Variants in GTF3C5 observed in about 807,000 individuals in gnomAD.
GTF3C5 encodes general transcription factor 3C polypeptide 5.
GTF3C5 carries 47 observed loss-of-function variants against 61.0 expected under a neutral mutation model. That is an observed-to-expected ratio of 0.77 (90% confidence interval 0.61 to 0.98). The LOEUF is 0.98. Ranked by LOEUF, GTF3C5 falls within the 50% of genes least tolerant of loss-of-function variation. The pLI, the probability that GTF3C5 is intolerant of heterozygous loss-of-function variation, is 0.00. For synonymous variants in GTF3C5, 295 were observed against 275.4 expected (o/e 1.07, Z -0.71); for missense variants, 659 against 703.3 (o/e 0.94, Z 0.71).
In GTF3C5 at chr9:133,043,771, C is replaced by T. The variant is rs140767076; in HGVS notation, c.417C>T (p.Gly139=). 2.0e-5 allele frequency: 33 copies of T among 1,614,016 alleles called. No homozygotes were observed. The highest frequency in any genetic ancestry group is 2.4e-5 in the Non-Finnish European group (28 of 1,180,016). Residue 139 remains glycine, a synonymous_variant, in exon 3 of 11, where the codon GGC becomes GGT. Coordinates refer to ENST00000372097, the MANE Select transcript of GTF3C5 (RefSeq NM_012087.4). ...ACTTGGCTGTGCATACGGAAGCAGG[C>T]GGCAAGCATACGTCAATGTATGACA... The part of the protein sequence containing the change: ...FQYLAVHTEA[G]GKHTSMYDKV...
intron 1 of GTF3C5, among the ~76,000 whole-genome samples, chr9:133,036,660 T>C (rs187426962): frequency 2.0e-4 from 30 of 152,276 alleles, no homozygotes; most frequent in Non-Finnish European, 3.4e-4. Flanking sequence ...GGTGGATTTC[T>C]TCAGAGGTCC....
At position 133,041,179 on chromosome 9, in the gene GTF3C5, C is replaced by T. The variant is rs149747328; in HGVS notation, c.154-908C>T. Among the ~76,000 whole-genome samples the T allele has an allele frequency of 4.5e-3, 679 of 152,332 alleles. 1 individual carries two copies. The highest frequency in any genetic ancestry group is 0.015 in the African/African-American group (626 of 41,576). ...GTAGCATCAGTGTCAAGGAAAAACA[C>T]CCGCTACTTAGCAGACCTGCAAAGG... On this transcript the variant is annotated intron_variant, in intron 1 of 10. Coordinates refer to ENST00000372097, the MANE Select transcript of GTF3C5 (RefSeq NM_012087.4).
chr9:133,049,439 A>C (rs1174819792), intron 3 of GTF3C5, among the ~76,000 whole-genome samples: 1 of 152,232 alleles, frequency 6.6e-6, no homozygotes, highest in Non-Finnish European at 1.5e-5. Flanking sequence ...ATTCTTTGTA[A>C]GTGTGCAGAT....
chr9:133,041,989 C>T (rs1367450913), intron 1 of GTF3C5, 98 bp from the exon 2 acceptor site: 12 of 801,036 alleles, frequency 1.5e-5, no homozygotes, highest in Non-Finnish European at 2.1e-5. Flanking sequence ...CCTGGCCTTT[C>T]CTGGATCACC....
At chr9:133,030,718 C>A, upstream of GTF3C5, 1 of 530,856 alleles carries the variant, frequency 1.9e-6, no homozygotes, top group Non-Finnish European at 3.4e-6. Flanking sequence ...GTCTTATTAT[C>A]CTCCGGGTCC....
chr9:133,049,063 G>T (rs908901177), intron 3 of GTF3C5, among the ~76,000 whole-genome samples: 2 of 152,216 alleles, frequency 1.3e-5, no homozygotes, highest in African/African-American at 4.8e-5. Flanking sequence ...CTAACTGGAG[G>T]ATGGTGGGTC....
intron 1 of GTF3C5, among the ~76,000 whole-genome samples, chr9:133,041,601 T>C (rs1349141599): frequency 6.6e-6 from 1 of 152,130 alleles, no homozygotes; most frequent in Non-Finnish European, 1.5e-5. Flanking sequence ...ATCCAGTAAA[T>C]AACAGTGCAG....
At chr9:133,054,542 G>A in intron 7 of GTF3C5, 54 bp downstream of exon 7, 1 of 1,553,382 alleles carries the variant, frequency 6.4e-7, no homozygotes, top group Non-Finnish European at 8.9e-7. Flanking sequence ...AAGGAAGGCG[G>A]GGCACCTGGA....
intron 1 of GTF3C5, among the ~76,000 whole-genome samples, chr9:133,034,638 A>G (rs1264993872): frequency 6.6e-6 from 1 of 152,008 alleles, no homozygotes; most frequent in Non-Finnish European, 1.5e-5. Flanking sequence ...CTGTTTCAGT[A>G]GTTAAGAGTA....
At chr9:133,048,561 T>TG (rs946312728) in intron 3 of GTF3C5, among the ~76,000 whole-genome samples, 2 of 152,106 alleles carry the variant, frequency 1.3e-5, no homozygotes, top group Admixed American at 6.5e-5. Flanking sequence ...CCCAGCTACT[T>TG]GGGGGGCTGA....
chr9:133,038,432 G>T (rs908851020), intron 1 of GTF3C5, among the ~76,000 whole-genome samples: 3 of 151,702 alleles, frequency 2.0e-5, no homozygotes, highest in Non-Finnish European at 4.4e-5. Flanking sequence ...AAGGGACTGT[G>T]GGGGAGACCC....
intron 1 of GTF3C5, among the ~76,000 whole-genome samples, chr9:133,036,013 A>G (rs1013641256): frequency 6.6e-5 from 10 of 152,290 alleles, no homozygotes; most frequent in Admixed American, 4.6e-4. Context: ...AACAATTCAC[A>G]TGTTTGGGCA....
chr9:133,047,139 G>A lies in GTF3C5; in HGVS notation c.572+3213G>A, dbSNP rs1156321590. ...CGGATCTCTGACAGGGAAGACTCAT[G>A]TTTCAGACAGACTCGCAATACCAGT... On this transcript the variant is annotated intron_variant, in intron 3 of 10. Transcript: ENST00000372097. Among the ~76,000 whole-genome samples, 5 of 152,244 alleles carry A rather than the reference G, an allele frequency of 3.3e-5. No homozygotes were observed. The East Asian group carries it at 9.7e-4, about 29-fold the overall frequency.
intron 8 of GTF3C5, 189 bp from the exon 9 acceptor site, chr9:133,055,823 C>T: frequency 7.1e-7 from 1 of 1,398,608 alleles, no homozygotes; most frequent in Non-Finnish European, 9.3e-7. Context: ...TCTCCCAGAG[C>T]CTCCTGGGGA....
rs947701750 is a variant in GTF3C5, at chr9:133,035,202, T to C, written c.153+4038T>C. ...GGGTATAATATTCTCAATCAATGCTTTAATTACATTATTAGCAGTTGCACT... is the reference window on the plus strand; with the variant it reads ...GGGTATAATATTCTCAATCAATGCTCTAATTACATTATTAGCAGTTGCACT... On this transcript the variant is annotated intron_variant, in intron 1 of 10. Coordinates refer to ENST00000372097, the MANE Select transcript of GTF3C5 (RefSeq NM_012087.4). Among the ~76,000 whole-genome samples, 4 of 152,226 alleles carry C rather than the reference T, an allele frequency of 2.6e-5. No homozygotes were observed. The East Asian group carries it at 7.7e-4, about 29-fold the overall frequency.
Position 133,055,324 on chromosome 9 carries a change from A to G in GTF3C5, c.1167+515A>G, listed in dbSNP as rs768953785. 9 of 1,364,128 alleles carry G rather than the reference A, an allele frequency of 6.6e-6. No individual in the cohort carries two copies. In the South Asian group the frequency reaches 7.3e-5, roughly 11 times the overall value. 84.5% of individuals were successfully genotyped at this position (1,364,128 alleles called of 1,614,324 possible). The stretch of plus-strand genomic sequence containing the variant: ...CCCTGGGGGAGGCCGAGAAGGGGGC[A>G]TCCCGCACGGTGGAATCACCTGCTG... On this transcript the variant is annotated intron_variant, in intron 8 of 10. Transcript: ENST00000372097.
intron 1 of GTF3C5, among the ~76,000 whole-genome samples, chr9:133,031,373 C>T (rs537895709): frequency 6.6e-6 from 1 of 152,158 alleles, no homozygotes; most frequent in East Asian, 1.9e-4. Context: ...GTTTTTCAGG[C>T]GGAGTTTCGC....
intron 8 of GTF3C5, chr9:133,055,458 T>C: frequency 8.2e-7 from 1 of 1,221,726 alleles, no homozygotes. Flanking sequence ...AGACCTTTGC[T>C]GCCTTCCCAG....
At chr9:133,032,392 GT>G (rs1324886760) in intron 1 of GTF3C5, among the ~76,000 whole-genome samples, 1 of 152,108 alleles carries the variant, frequency 6.6e-6, no homozygotes, top group African/African-American at 2.4e-5. Flanking sequence ...GGGAAGACTA[GT>G]TTCGGCGGGA....
Sources: allele counts gnomAD v4.1 joint callset (sites outside exome capture counted in the v4.1 genomes callset), GRCh38; gene constraint gnomAD v4.1.1; transcripts MANE v1.5; gene names NCBI Gene and HGNC (gene_info 2026-07-23, HGNC 2026-07-21).